RBFOX3: variants seen among roughly 807,000 people sequenced by gnomAD.
RBFOX3 encodes the protein RNA binding fox-1 homolog 3, also known as RNA binding protein fox-1 homolog 3.
RBFOX3 carries 17 observed loss-of-function variants against 48.7 expected under a neutral mutation model. The observed-to-expected ratio is 0.35, with a 90% CI of 0.24 to 0.52. The LOEUF (loss-of-function observed/expected upper bound fraction) is 0.52, where lower values mean the gene tolerates loss of function less well. RBFOX3 is among the 20% of genes least tolerant of loss of function. The pLI is 0.94. For missense variants in RBFOX3, 382 were observed against 497.5 expected, an observed-to-expected ratio of 0.77 and a Z score of 2.21; for synonymous variants, 212 against 209.5, an observed-to-expected ratio of 1.01 and a Z score of -0.10.
intron 2 of RBFOX3, among the ~76,000 whole-genome samples, chr17:79,445,655 GC>G (rs2072103278): frequency 6.6e-6 from 1 of 152,216 alleles, no homozygotes. Context: ...TTTCCTGGGG[GC>G]AAAGCCGGGG....
Position 79,477,359 on chromosome 17 carries a change from A to G in RBFOX3, c.-175+5095T>C, listed in dbSNP as rs1239564046. On this transcript the variant is annotated intron_variant, in intron 2 of 14. Coordinates refer to ENST00000693108, the MANE Select transcript of RBFOX3 (RefSeq NM_001350451.2). This position sits in a 1 kb window ranked among gnomAD's most constrained non-coding sequence, Gnocchi z 4.8. ...ATCACGAGGTCAGGAGATCGAGATC[A>G]TCCTGGCTAACACGGTGAAACCCCG... Among the ~76,000 whole-genome samples the G allele has an allele frequency of 6.6e-6, 1 of 151,420 alleles. No homozygotes were observed. The highest frequency in any genetic ancestry group is 1.5e-5 in the Non-Finnish European group (1 of 67,908).
intron 1 of RBFOX3, among the ~76,000 whole-genome samples, chr17:79,519,002 C>T (rs1335945379): frequency 2.0e-5 from 3 of 152,242 alleles, no homozygotes; most frequent in Non-Finnish European, 4.4e-5. Flanking sequence ...GCGGGAGACG[C>T]GTCTTCAGGA....
intron 2 of RBFOX3, among the ~76,000 whole-genome samples, chr17:79,463,693 T>TCCACCGCCACTGCCACCTCCACC (rs2075886571): frequency 2.0e-5 from 1 of 50,232 alleles, no homozygotes; most frequent in Non-Finnish European, 4.9e-5. Context: ...CCACTGCCAC[T>TCCACCGCCACTGCCACCTCCACC]GCCATCACCA....
chr17:79,428,961 C>T (rs1331033050), intron 2 of RBFOX3, among the ~76,000 whole-genome samples: 2 of 152,216 alleles, frequency 1.3e-5, no homozygotes, highest in Admixed American at 6.5e-5. Flanking sequence ...TCCCTCTTTA[C>T]TCCGGGTCCC....
At chr17:79,410,352 CAG>C (rs2064133561) in intron 2 of RBFOX3, among the ~76,000 whole-genome samples, 1 of 152,178 alleles carries the variant, frequency 6.6e-6, no homozygotes. Flanking sequence ...CTGCGGCAGG[CAG>C]AGTTCCAGGT....
At position 79,113,357 on chromosome 17, in the gene RBFOX3, C is replaced by T. The variant is rs372613951; in HGVS notation, c.222+2137G>A. On this transcript the variant is annotated intron_variant, in intron 5 of 14. Transcript: ENST00000693108. ...TGAGGAGGCCCAGGTCTTTGTTCTTCGTGGGGCACCACGCCGATGCCGTAA... is the reference window on the plus strand; with the variant it reads ...TGAGGAGGCCCAGGTCTTTGTTCTTTGTGGGGCACCACGCCGATGCCGTAA... Among the ~76,000 whole-genome samples the T allele has an allele frequency of 1.0e-3, 157 of 152,202 alleles. 4 individuals are homozygous for T. The South Asian group carries it at 0.031, about 30-fold the overall frequency.
At chr17:79,547,214 C>A (rs953330862) in intron 1 of RBFOX3, among the ~76,000 whole-genome samples, 1 of 152,086 alleles carries the variant, frequency 6.6e-6, no homozygotes, top group African/African-American at 2.4e-5. Flanking sequence ...TTTTGGAGGC[C>A]GAGGCAGGTG....
intron 1 of RBFOX3, among the ~76,000 whole-genome samples, chr17:79,553,066 C>T (rs1362210695): frequency 2.0e-5 from 3 of 152,158 alleles, no homozygotes; most frequent in Admixed American, 6.5e-5. Context: ...CAAGAGTAGG[C>T]ATCCTTGCTT....
chr17:79,257,121 TAGCACTGGGAAGCCGGAATGTGGC>T (rs1233033222), intron 3 of RBFOX3, among the ~76,000 whole-genome samples: 2 of 151,746 alleles, frequency 1.3e-5, no homozygotes, highest in Admixed American at 6.6e-5. Context: ...GGAGAGAGGG[TAGCACTGGGAAGCCGGAATGTGGC>T]AGCACACACT....
chr17:79,190,359 C>T (rs1599885394), intron 4 of RBFOX3, among the ~76,000 whole-genome samples: 1 of 147,662 alleles, frequency 6.8e-6, no homozygotes, highest in African/African-American at 2.5e-5. Flanking sequence ...TGCGGTGAGC[C>T]GTGATCGCGC....
chr17:79,174,452 A>G (rs2050087117), intron 4 of RBFOX3, among the ~76,000 whole-genome samples: 1 of 151,638 alleles, frequency 6.6e-6, no homozygotes, highest in East Asian at 1.9e-4. Context: ...TGCATATCAC[A>G]TACGCCACAT....
rs147203324 is a variant in RBFOX3 at position 79,279,935 on chromosome 17, G to C, written c.-74+27789C>G. ...GGTGAGGCACAGTCCAAGAGGCACC[G>C]CGTGTCTGTGTGTGTGCCTGGTGTG... On this transcript the variant is annotated intron_variant, in intron 3 of 14. Coordinates refer to ENST00000693108, the MANE Select transcript of RBFOX3 (RefSeq NM_001350451.2). Among the ~76,000 whole-genome samples, 236 of 152,304 alleles carry C rather than the reference G, an allele frequency of 1.5e-3. 1 individual carries two copies. In the Middle Eastern group the frequency reaches 0.037, roughly 24 times the overall value.
chr17:79,401,980 T>C (rs59185222), intron 2 of RBFOX3, among the ~76,000 whole-genome samples: 11,426 of 152,072 alleles, frequency 0.075, 1,194 homozygotes, highest in African/African-American at 0.24. Context: ...CTCTTACAGG[T>C]GAGACCTTCC....
intron 4 of RBFOX3, among the ~76,000 whole-genome samples, chr17:79,124,926 G>A (rs902277018): frequency 2.5e-5 from 3 of 120,806 alleles, no homozygotes; most frequent in Non-Finnish European, 5.5e-5. Context: ...GTCTCGGGGG[G>A]AGCCCAGTCC....
At chr17:79,590,759 A>G (rs1264458586) in intron 1 of RBFOX3, among the ~76,000 whole-genome samples, 3 of 152,218 alleles carry the variant, frequency 2.0e-5, no homozygotes, top group African/African-American at 7.2e-5. Context: ...CCTGGCGTTC[A>G]GATGGCCCCT....
intron 1 of RBFOX3, among the ~76,000 whole-genome samples, chr17:79,517,915 C>T (rs1331984890): frequency 6.6e-5 from 10 of 152,154 alleles, no homozygotes; most frequent in Non-Finnish European, 4.4e-5. Context: ...AAGCAGCTAG[C>T]CCGAGGTCTG....
At chr17:79,262,155 G>C (rs1025513311) in intron 3 of RBFOX3, among the ~76,000 whole-genome samples, 2 of 152,234 alleles carry the variant, frequency 1.3e-5, no homozygotes, top group Non-Finnish European at 2.9e-5. Context: ...AGCCTCTCGT[G>C]GCCACAGCTC....
chr17:79,371,084 G>A (rs915391645), intron 2 of RBFOX3, among the ~76,000 whole-genome samples: 6 of 152,218 alleles, frequency 3.9e-5, no homozygotes, highest in Non-Finnish European at 7.3e-5. Flanking sequence ...AGGCCAGCAC[G>A]GTGTCCCTCC....
intron 4 of RBFOX3, among the ~76,000 whole-genome samples, chr17:79,229,558 C>CAAAAAAAAA (rs11435725): frequency 2.0e-5 from 1 of 50,644 alleles, no homozygotes; most frequent in African/African-American, 8.0e-5. Flanking sequence ...GACTCCATCT[C>CAAAAAAAAA]AAAAAAAAAA....
Sources: allele counts gnomAD v4.1 joint callset (sites outside exome capture counted in the v4.1 genomes callset), GRCh38; gene constraint gnomAD v4.1.1; non-coding constraint Gnocchi (gnomAD v3.1); transcripts MANE v1.5; gene names NCBI Gene and HGNC (gene_info 2026-07-23, HGNC 2026-07-21).